Variants in ABTB3 observed in about 807,000 individuals in gnomAD.
ABTB3 encodes the protein ankyrin repeat- and BTB/POZ domain-containing protein 3.
the ABTB3 span, chr12:107,642,087 C>T: frequency 6.2e-7 from 1 of 1,613,084 alleles, no homozygotes; most frequent in Non-Finnish European, 8.5e-7. Context: ...TGTCCTTGTT[C>T]AGGTTCAAAG....
At chr12:107,612,551 G>T in the ABTB3 span, among the ~76,000 whole-genome samples, 1 of 152,224 alleles carries the variant, frequency 6.6e-6, no homozygotes, top group Admixed American at 6.5e-5. Flanking sequence ...CCAAGGCAAG[G>T]AAAGATAAAT....
the ABTB3 span, among the ~76,000 whole-genome samples, chr12:107,585,775 C>A: frequency 1.3e-5 from 2 of 152,162 alleles, no homozygotes; most frequent in Non-Finnish European, 2.9e-5. Flanking sequence ...GCTGGAAGTT[C>A]AGGTTCATTT....
chr12:107,434,107 A>G, the ABTB3 span, among the ~76,000 whole-genome samples: 1 of 152,224 alleles, frequency 6.6e-6, no homozygotes, highest in Non-Finnish European at 1.5e-5. Context: ...GGACACAGGC[A>G]TATTTGAACA....
chr12:107,583,484 C>T, the ABTB3 span, among the ~76,000 whole-genome samples: 4 of 152,178 alleles, frequency 2.6e-5, no homozygotes, highest in South Asian at 6.2e-4. Flanking sequence ...AGCCAGATAT[C>T]GCACCCAGAG....
chr12:107,530,420 T>C, the ABTB3 span, among the ~76,000 whole-genome samples: 1 of 152,330 alleles, frequency 6.6e-6, no homozygotes, highest in South Asian at 2.1e-4. Flanking sequence ...ATTATTCTGG[T>C]AATACAAGTA....
the ABTB3 span, among the ~76,000 whole-genome samples, chr12:107,434,211 A>G: frequency 6.6e-6 from 1 of 152,258 alleles, no homozygotes; most frequent in Non-Finnish European, 1.5e-5. Flanking sequence ...CTGTAGGGCA[A>G]GACAGCTGGG....
the ABTB3 span, among the ~76,000 whole-genome samples, chr12:107,558,949 G>A: frequency 4.8e-3 from 726 of 152,280 alleles, 6 homozygotes; most frequent in Middle Eastern, 0.017. Flanking sequence ...ACCCCCCGTG[G>A]GGCCCCATGA....
At chr12:107,334,928 T>A in the ABTB3 span, among the ~76,000 whole-genome samples, 4 of 152,162 alleles carry the variant, frequency 2.6e-5, no homozygotes, top group African/African-American at 9.7e-5. Flanking sequence ...ACTCCCATTG[T>A]ACCCCCAAAC....
At chr12:107,610,465 C>T in the ABTB3 span, 4 of 1,254,432 alleles carry the variant, frequency 3.2e-6, no homozygotes, top group Admixed American at 8.9e-5. Context: ...GCAGAGGCTC[C>T]CCCTACTGAC....
chr12:107,449,542 T>G, the ABTB3 span, among the ~76,000 whole-genome samples: 1 of 152,228 alleles, frequency 6.6e-6, no homozygotes, highest in Non-Finnish European at 1.5e-5. Context: ...CATACTGTGT[T>G]GGCCACCGAG....
At chr12:107,595,709 T>C in the ABTB3 span, among the ~76,000 whole-genome samples, 47 of 152,316 alleles carry the variant, frequency 3.1e-4, no homozygotes, top group African/African-American at 1.1e-3. Context: ...GTTCTACTAC[T>C]GACTAGCTGT....
At chr12:107,336,613 G>C in the ABTB3 span, among the ~76,000 whole-genome samples, 2,366 of 152,232 alleles carry the variant, frequency 0.016, 74 homozygotes, top group African/African-American at 0.054. Context: ...TCATTCCCCA[G>C]TCATAGAAAA....
At chr12:107,320,130 G>C in the ABTB3 span, 5 of 1,365,944 alleles carry the variant, frequency 3.7e-6, no homozygotes, top group Non-Finnish European at 3.8e-6. Context: ...AACTCTTGGC[G>C]CAAGTTTGCC....
the ABTB3 span, among the ~76,000 whole-genome samples, chr12:107,524,522 A>G: frequency 6.6e-6 from 1 of 152,188 alleles, no homozygotes; most frequent in Non-Finnish European, 1.5e-5. Context: ...GCCCTATTTT[A>G]GTAGCTAATA....
chr12:107,479,469 G>C, the ABTB3 span, among the ~76,000 whole-genome samples: 2 of 152,068 alleles, frequency 1.3e-5, no homozygotes, highest in African/African-American at 4.8e-5. Flanking sequence ...CCACTTTATA[G>C]GGCTGTTGTG....
chr12:107,634,139 AG>A, the ABTB3 span, among the ~76,000 whole-genome samples: 1 of 152,164 alleles, frequency 6.6e-6, no homozygotes, highest in Non-Finnish European at 1.5e-5. Flanking sequence ...CTTTAATTGA[AG>A]GGTTTGGATT....
At chr12:107,327,618 C>A in the ABTB3 span, among the ~76,000 whole-genome samples, 1 of 152,174 alleles carries the variant, frequency 6.6e-6, no homozygotes, top group South Asian at 2.1e-4. Context: ...CTCTGACTGC[C>A]AAGTTATCAT....
At chr12:107,330,085 T>C in the ABTB3 span, among the ~76,000 whole-genome samples, 2 of 152,048 alleles carry the variant, frequency 1.3e-5, no homozygotes, top group African/African-American at 4.8e-5. Context: ...GGAAGAATAC[T>C]TGGTGAATGC....
the ABTB3 span, among the ~76,000 whole-genome samples, chr12:107,548,547 G>A: frequency 6.6e-6 from 1 of 152,144 alleles, no homozygotes; most frequent in African/African-American, 2.4e-5. Flanking sequence ...GAATTTTGAA[G>A]AAGCTTAGTG....
Sources: gnomAD v4.1 joint callset for allele counts (sites outside exome capture counted in the v4.1 genomes callset) on GRCh38, gnomAD v4.1.1 for gene constraint, MANE v1.5 for transcripts, NCBI Gene and HGNC (gene_info 2026-07-23, HGNC 2026-07-21) for gene names.